Variants in TNIK observed in about 807,000 individuals in gnomAD.
TNIK encodes the protein TRAF2 and NCK-interacting protein kinase.
In TNIK, 49 loss-of-function variants were observed where a neutral mutation model predicts 191.3. The observed-to-expected ratio is 0.26, with a 90% confidence interval of 0.20 to 0.32. The LOEUF (loss-of-function observed/expected upper bound fraction) is 0.32. TNIK is among the 10% of genes least tolerant of loss of function. The pLI is 1.00. For missense variants in TNIK, 1,155 were observed against 1,702.3 expected, an observed-to-expected ratio of 0.68 and a Z score of 5.66; for synonymous variants, 594 against 600.9, an observed-to-expected ratio of 0.99 and a Z score of 0.17.
Position 171,380,044 on chromosome 3 carries a change from CA to C in TNIK, c.58-10360del, listed in dbSNP as rs1244354968. Among the ~76,000 whole-genome samples the C allele has an allele frequency of 2.6e-5, 4 of 151,852 alleles. No individual in the cohort carries two copies. The East Asian group carries it at 7.8e-4, about 29-fold the overall frequency. On this transcript the variant is annotated intron_variant, in intron 1 of 32. Coordinates refer to ENST00000436636, the MANE Select transcript of TNIK (RefSeq NM_015028.4). ...ACACACACGCGCACACACACACACACACACACACACACACGCAAGTTGCTTT... is the reference window on the plus strand; with the variant it reads ...ACACACACGCGCACACACACACACACCACACACACACACGCAAGTTGCTTT...
At chr3:171,140,841 T>C (rs775427528) in intron 12 of TNIK, among the ~76,000 whole-genome samples, 8 of 152,218 alleles carry the variant, frequency 5.3e-5, no homozygotes, top group Non-Finnish European at 1.2e-4. Context: ...ATTTATTACA[T>C]ATCATCAAGT....
chr3:171,176,185 T>C (rs1346142273), intron 8 of TNIK, among the ~76,000 whole-genome samples: 2 of 152,182 alleles, frequency 1.3e-5, no homozygotes, highest in African/African-American at 4.8e-5. Flanking sequence ...TCAAGAATGA[T>C]AATATGGTTT....
At chr3:171,381,506 G>T (rs576165563) in intron 1 of TNIK, among the ~76,000 whole-genome samples, 68 of 152,298 alleles carry the variant, frequency 4.5e-4, no homozygotes, top group Non-Finnish European at 8.5e-4. Context: ...ACAGTGTATA[G>T]AGCAATCTTT....
At chr3:171,079,427 C>A in intron 28 of TNIK, 91 bp downstream of exon 28, 1 of 1,463,330 alleles carries the variant, frequency 6.8e-7, no homozygotes, top group African/African-American at 1.4e-5. Flanking sequence ...CATGCATCAT[C>A]AATCTGATAG....
chr3:171,333,471 C>T (rs947030229), intron 2 of TNIK, among the ~76,000 whole-genome samples: 4 of 151,296 alleles, frequency 2.6e-5, no homozygotes, highest in Non-Finnish European at 4.4e-5. Context: ...GCAGAAGAAT[C>T]GCTTGAACCT....
chr3:171,249,609 G>A (rs933814949), intron 2 of TNIK, among the ~76,000 whole-genome samples: 1 of 152,206 alleles, frequency 6.6e-6, no homozygotes, highest in African/African-American at 2.4e-5. Context: ...GTACACATCA[G>A]CATAATTCAC....
rs1241362622 is a variant in TNIK, at chr3:171,062,548, C to G, written c.*1333G>C. On this transcript the variant is annotated 3_prime_UTR_variant, in exon 33 of 33. Coordinates refer to ENST00000436636, the MANE Select transcript of TNIK (RefSeq NM_015028.4). ...AAGAGTTTATAAGGACACAAGTCAA[C>G]CTGAACTAAATACATACATACTTCT... 1 of 152,088 alleles carries G rather than the reference C, an allele frequency of 6.6e-6. No homozygotes were observed. Among genetic ancestry groups the G allele is most frequent in the Non-Finnish European group, 1.5e-5 (1 of 68,018 alleles). 9.4% of individuals were successfully genotyped at this position (152,088 alleles called of 1,614,324 possible). A position where few individuals can be genotyped will look rare whatever the true frequency, so the allele number is the denominator to read the frequency against.
At chr3:171,123,165 G>A (rs1450602989) in intron 18 of TNIK, among the ~76,000 whole-genome samples, 1 of 152,194 alleles carries the variant, frequency 6.6e-6, no homozygotes, top group African/African-American at 2.4e-5. Context: ...GCTTTGTAAT[G>A]TCTCAATGGT....
intron 5 of TNIK, among the ~76,000 whole-genome samples, chr3:171,193,647 C>A (rs1738323935): frequency 6.6e-6 from 1 of 152,140 alleles, no homozygotes; most frequent in South Asian, 2.1e-4. Context: ...TTTCATCCAT[C>A]CACCCAAAGC....
At chr3:171,452,135 TCA>T (rs1436121131) in intron 1 of TNIK, among the ~76,000 whole-genome samples, 1 of 152,180 alleles carries the variant, frequency 6.6e-6, no homozygotes, top group East Asian at 1.9e-4. Flanking sequence ...CCAGCGGAAG[TCA>T]CAGTCAGCCC....
intron 8 of TNIK, 79 bp from the exon 9 acceptor site, chr3:171,175,409 T>C: frequency 3.2e-6 from 4 of 1,248,108 alleles, no homozygotes; most frequent in African/African-American, 1.5e-5. Flanking sequence ...GTGCAGATAA[T>C]GGCTGCCCAA....
intron 1 of TNIK, among the ~76,000 whole-genome samples, chr3:171,415,236 A>G (rs535915617): frequency 6.6e-6 from 1 of 152,148 alleles, no homozygotes; most frequent in Non-Finnish European, 1.5e-5. Context: ...TAACAACCCC[A>G]GACGCACTCT....
At position 171,387,687 on chromosome 3, in the gene TNIK, T is replaced by G. The variant is rs140127327; in HGVS notation, c.58-18002A>C. ...ATGACAACAATTGAAGTGAAAAATCTGCGTCATTACAGTAATCTTTCTCTC... is the reference window on the plus strand; with the variant it reads ...ATGACAACAATTGAAGTGAAAAATCGGCGTCATTACAGTAATCTTTCTCTC... On this transcript the variant is annotated intron_variant, in intron 1 of 32. Coordinates refer to ENST00000436636, the MANE Select transcript of TNIK (RefSeq NM_015028.4). Among the ~76,000 whole-genome samples, 629 of 152,308 alleles carry G rather than the reference T, an allele frequency of 4.1e-3. 5 individuals are homozygous for G. The highest frequency in any genetic ancestry group is 0.015 in the African/African-American group (606 of 41,574).
intron 2 of TNIK, among the ~76,000 whole-genome samples, chr3:171,354,127 C>T (rs1010412603): frequency 6.6e-6 from 1 of 152,108 alleles, no homozygotes; most frequent in Non-Finnish European, 1.5e-5. Context: ...GAACTCAGCA[C>T]AAACACCAAA....
chr3:171,221,329 C>T (rs937349392), intron 3 of TNIK, among the ~76,000 whole-genome samples: 10 of 152,174 alleles, frequency 6.6e-5, no homozygotes, highest in African/African-American at 2.4e-4. Flanking sequence ...AATCCCCAAG[C>T]TTTGCTGACA....
At chr3:171,087,713 C>T (rs894022732) in intron 23 of TNIK, among the ~76,000 whole-genome samples, 2 of 152,160 alleles carry the variant, frequency 1.3e-5, no homozygotes, top group Non-Finnish European at 1.5e-5. Context: ...AGCCTGAAGC[C>T]TTACGTTCCT....
intron 1 of TNIK, among the ~76,000 whole-genome samples, chr3:171,410,929 T>C (rs967355303): frequency 5.3e-5 from 8 of 152,070 alleles, no homozygotes; most frequent in African/African-American, 1.7e-4. Flanking sequence ...GAGAATTGAA[T>C]TGGAAGCCAC....
At chr3:171,126,382 T>G (rs1728485004) in intron 16 of TNIK, among the ~76,000 whole-genome samples, 1 of 152,190 alleles carries the variant, frequency 6.6e-6, no homozygotes, top group Non-Finnish European at 1.5e-5. Flanking sequence ...GAACGCTAAG[T>G]CAGTGGAATG....
chr3:171,083,227 C>G (rs1300654029), intron 26 of TNIK, among the ~76,000 whole-genome samples: 4 of 152,194 alleles, frequency 2.6e-5, no homozygotes, highest in African/African-American at 9.7e-5. Context: ...TCTTGTACTT[C>G]TATCTTCTGA....
Sources: allele counts gnomAD v4.1 joint callset (sites outside exome capture counted in the v4.1 genomes callset), GRCh38; gene constraint gnomAD v4.1.1; transcripts MANE v1.5; gene names NCBI Gene and HGNC (gene_info 2026-07-23, HGNC 2026-07-21).